Variants in DTNBP1 observed in about 807,000 individuals in gnomAD.
DTNBP1 encodes dystrobrevin binding protein 1.
DTNBP1 carries 35 observed loss-of-function variants against 42.8 expected under a neutral mutation model. That is an observed-to-expected ratio of 0.82 (90% CI 0.63 to 1.09). The LOEUF is 1.09. DTNBP1 is among the 50% of genes least tolerant of loss of function. The pLI is 0.00. For missense variants in DTNBP1, 457 were observed against 424.2 expected (o/e 1.08, Z -0.68); for synonymous variants, 171 against 162.2 (o/e 1.05, Z -0.41).
intron 7 of DTNBP1, among the ~76,000 whole-genome samples, chr6:15,541,067 T>C (rs1773532766): frequency 6.6e-6 from 1 of 152,110 alleles, no homozygotes; most frequent in Admixed American, 6.6e-5. Flanking sequence ...TCAGAGCCCT[T>C]TTTGTATCTC....
At chr6:15,637,950 C>G (rs1760126662) in intron 3 of DTNBP1, 146 bp from the exon 4 acceptor site, 1 of 817,152 alleles carries the variant, frequency 1.2e-6, no homozygotes, top group South Asian at 1.6e-5. Context: ...CAGACGTCAA[C>G]TTGACAGAGC....
At chr6:15,607,879 T>C (rs1758167273) in intron 6 of DTNBP1, among the ~76,000 whole-genome samples, 1 of 152,186 alleles carries the variant, frequency 6.6e-6, no homozygotes, top group South Asian at 2.1e-4. Context: ...TGAAGACAAG[T>C]AGTCCCTGCC....
chr6:15,524,912 C>T (rs1351761438), intron 8 of DTNBP1, among the ~76,000 whole-genome samples: 6 of 152,192 alleles, frequency 3.9e-5, no homozygotes, highest in Non-Finnish European at 7.3e-5. Context: ...CCCTTTGGGA[C>T]GCTGAAGACT....
intron 3 of DTNBP1, among the ~76,000 whole-genome samples, chr6:15,649,495 T>C (rs1760865081): frequency 6.6e-6 from 1 of 152,030 alleles, no homozygotes; most frequent in Non-Finnish European, 1.5e-5. Context: ...TTGCCTGGGA[T>C]GGAGAGGAGG....
At chr6:15,632,598 T>C (rs947158990) in intron 4 of DTNBP1, among the ~76,000 whole-genome samples, 10 of 152,202 alleles carry the variant, frequency 6.6e-5, no homozygotes, top group African/African-American at 2.4e-4. Context: ...GGGATTAAAA[T>C]ACTGCAAGTC....
intron 7 of DTNBP1, among the ~76,000 whole-genome samples, chr6:15,566,970 C>T (rs557313894): frequency 3.1e-4 from 47 of 152,252 alleles, no homozygotes; most frequent in Admixed American, 2.9e-3. Context: ...AGTTTACAGG[C>T]GTGAGCCATT....
chr6:15,609,423 A>G (rs1758268787), intron 6 of DTNBP1, among the ~76,000 whole-genome samples: 1 of 151,510 alleles, frequency 6.6e-6, no homozygotes, highest in African/African-American at 2.4e-5. Flanking sequence ...GGGTTCAAGT[A>G]ATTCTCCCAC....
intron 7 of DTNBP1, chr6:15,546,129 G>A (rs367745392): frequency 9.1e-5 from 35 of 383,960 alleles, no homozygotes; most frequent in South Asian, 3.2e-4. Flanking sequence ...GCAATGGTGC[G>A]ATCTCGGCTC....
chr6:15,584,894 A>G (rs923238093), intron 7 of DTNBP1, among the ~76,000 whole-genome samples: 2 of 148,740 alleles, frequency 1.3e-5, no homozygotes, highest in Admixed American at 6.7e-5. Context: ...TACTCAACAA[A>G]AAATGCACAG....
chr6:15,568,770 C>T (rs1328345670), intron 7 of DTNBP1, among the ~76,000 whole-genome samples: 1 of 152,112 alleles, frequency 6.6e-6, no homozygotes, highest in Admixed American at 6.6e-5. Flanking sequence ...ATTTTATTTT[C>T]TCTAGCTTGC....
intron 1 of DTNBP1, among the ~76,000 whole-genome samples, chr6:15,653,265 T>C (rs1263125089): frequency 6.6e-6 from 1 of 152,214 alleles, no homozygotes; most frequent in African/African-American, 2.4e-5. Context: ...ATTGACTACA[T>C]TTTGCAGCAA....
Position 15,534,141 on chromosome 6 carries a change from G to A in DTNBP1, c.512-746C>T, listed in dbSNP as rs1270103847. ...AGGTACCTAGAGCAGTCAGATGGAT[G>A]GAGACACGAAGTGTGCTCTCAGGGC... is the stretch of plus-strand genomic sequence containing the variant. On this transcript the variant is annotated intron_variant, in intron 7 of 9. Coordinates refer to ENST00000344537, the MANE Select transcript of DTNBP1 (RefSeq NM_032122.5). Among the ~76,000 whole-genome samples, 7 of 152,200 alleles carry A rather than the reference G, an allele frequency of 4.6e-5. No individual in the cohort carries two copies. The East Asian group carries it at 1.3e-3, about 29-fold the overall frequency.
chr6:15,525,032 C>G (rs937066639), intron 8 of DTNBP1, among the ~76,000 whole-genome samples: 4 of 152,254 alleles, frequency 2.6e-5, no homozygotes, highest in Non-Finnish European at 5.9e-5. Flanking sequence ...CTGCCAGCCA[C>G]AGCTCTGCTT....
At chr6:15,576,184 T>C (rs1279041745) in intron 7 of DTNBP1, among the ~76,000 whole-genome samples, 1 of 152,022 alleles carries the variant, frequency 6.6e-6, no homozygotes, top group Admixed American at 6.5e-5. Context: ...AGTGGCACTA[T>C]CTCGGCTCAC....
At chr6:15,646,750 C>T (rs985171947) in intron 3 of DTNBP1, among the ~76,000 whole-genome samples, 3 of 151,868 alleles carry the variant, frequency 2.0e-5, no homozygotes, top group African/African-American at 7.3e-5. Context: ...GCAACGTCAA[C>T]AAAAATAAAC....
chr6:15,615,944 A>T (rs2113704432), intron 5 of DTNBP1, among the ~76,000 whole-genome samples: 1 of 152,362 alleles, frequency 6.6e-6, no homozygotes, highest in East Asian at 1.9e-4. Context: ...TGGTTGGGTG[A>T]GGAACAGACT....
intron 2 of DTNBP1, 61 bp from the exon 3 acceptor site, chr6:15,651,424 AGGTACATAC>A: frequency 1.3e-6 from 2 of 1,548,714 alleles, no homozygotes; most frequent in South Asian, 1.2e-5. Flanking sequence ...AAAAAAAAAA[AGGTACATAC>A]AAGAATTTTG....
chr6:15,592,774 C>A (rs890409893), intron 7 of DTNBP1, among the ~76,000 whole-genome samples: 4 of 152,116 alleles, frequency 2.6e-5, no homozygotes, highest in African/African-American at 9.7e-5. Context: ...ACAAGAGAAA[C>A]CAGAATCTTC....
intron 9 of DTNBP1, chr6:15,523,902 C>T (rs1173445933): frequency 3.1e-6 from 4 of 1,287,286 alleles, no homozygotes; most frequent in South Asian, 1.2e-5. Flanking sequence ...CTACAGATGG[C>T]TGAGGTGCTG....
Sources: allele counts gnomAD v4.1 joint callset (sites outside exome capture counted in the v4.1 genomes callset), GRCh38; gene constraint gnomAD v4.1.1; transcripts MANE v1.5; gene names NCBI Gene and HGNC (gene_info 2026-07-23, HGNC 2026-07-21).